Variants in TSPAN18 observed in about 807,000 individuals in gnomAD.
TSPAN18 encodes the protein tetraspanin 18.
Under a neutral mutation model 27.3 loss-of-function variants are expected in TSPAN18, and 14 were observed. The observed-to-expected ratio is 0.51, with a 90% CI of 0.34 to 0.80. The LOEUF is 0.80. Ranked by LOEUF, TSPAN18 falls within the 30% of genes least tolerant of loss-of-function variation. The pLI is 0.01. For synonymous variants in TSPAN18, 143 were observed against 136.5 expected (o/e 1.05, Z -0.33); for missense variants, 268 against 323.9 (o/e 0.83, Z 1.32).
chr11:44,904,183 C>A (rs1190932665), intron 3 of TSPAN18, among the ~76,000 whole-genome samples: 1 of 152,160 alleles, frequency 6.6e-6, no homozygotes, highest in Non-Finnish European at 1.5e-5. Context: ...TAACTTGGTG[C>A]CTCAGTTTCC....
intron 2 of TSPAN18, among the ~76,000 whole-genome samples, chr11:44,843,739 A>G (rs1857424464): frequency 6.6e-6 from 1 of 152,240 alleles, no homozygotes; most frequent in Admixed American, 6.5e-5. Context: ...ATGCTGAGAA[A>G]AAGAATTCAG....
chr11:44,876,468 C>T (rs765685845), intron 3 of TSPAN18, among the ~76,000 whole-genome samples: 1 of 152,178 alleles, frequency 6.6e-6, no homozygotes, highest in Non-Finnish European at 1.5e-5. Context: ...TGGAAGTAAA[C>T]AGAAGGGACC....
intron 3 of TSPAN18, among the ~76,000 whole-genome samples, chr11:44,892,117 C>T (rs1266432257): frequency 6.6e-6 from 1 of 152,164 alleles, no homozygotes; most frequent in East Asian, 1.9e-4. Context: ...CAGGCTGAGT[C>T]AACCTTCCTT....
intron 1 of TSPAN18, among the ~76,000 whole-genome samples, chr11:44,731,528 T>A (rs1854654199): frequency 6.6e-6 from 1 of 152,100 alleles, no homozygotes; most frequent in South Asian, 2.1e-4. Context: ...GTCATGATTA[T>A]CATTATTACT....
At chr11:44,881,642 G>T (rs1006667705) in intron 3 of TSPAN18, among the ~76,000 whole-genome samples, 8 of 152,284 alleles carry the variant, frequency 5.3e-5, no homozygotes, top group Admixed American at 4.6e-4. Flanking sequence ...GCAAGTGCCC[G>T]CTGTATGCCA....
At chr11:44,785,787 C>G (rs1856042971) in intron 2 of TSPAN18, among the ~76,000 whole-genome samples, 1 of 152,226 alleles carries the variant, frequency 6.6e-6, no homozygotes, top group Non-Finnish European at 1.5e-5. Flanking sequence ...CCTGGGGTCT[C>G]TCAATCTTGC....
At chr11:44,737,408 C>T (rs537619320) in intron 1 of TSPAN18, among the ~76,000 whole-genome samples, 1 of 152,218 alleles carries the variant, frequency 6.6e-6, no homozygotes, top group Admixed American at 6.5e-5. Context: ...ACGCAGCCAC[C>T]AGAGGCACTC....
At chr11:44,836,730 A>G (rs1222056785) in intron 2 of TSPAN18, among the ~76,000 whole-genome samples, 1 of 152,230 alleles carries the variant, frequency 6.6e-6, no homozygotes, top group East Asian at 1.9e-4. Flanking sequence ...GGTAACATTA[A>G]GCTGATGCCA....
At chr11:44,877,547 C>T (rs1198014322) in intron 3 of TSPAN18, among the ~76,000 whole-genome samples, 3 of 152,282 alleles carry the variant, frequency 2.0e-5, no homozygotes, top group Non-Finnish European at 2.9e-5. Flanking sequence ...GAGGACCCCC[C>T]GCCTCTGCTC....
intron 2 of TSPAN18, among the ~76,000 whole-genome samples, chr11:44,819,337 A>G (rs1856879393): frequency 6.6e-6 from 1 of 152,156 alleles, no homozygotes; most frequent in Non-Finnish European, 1.5e-5. Context: ...CTTCTGAGGA[A>G]TAGATATTGG....
At chr11:44,745,853 C>T (rs995167362) in intron 1 of TSPAN18, among the ~76,000 whole-genome samples, 1 of 152,276 alleles carries the variant, frequency 6.6e-6, no homozygotes, top group Middle Eastern at 3.4e-3. Context: ...CGGTGAAACC[C>T]CGTCTCTACT....
intron 2 of TSPAN18, among the ~76,000 whole-genome samples, chr11:44,766,133 T>C (rs1855563239): frequency 6.6e-6 from 1 of 152,226 alleles, no homozygotes; most frequent in Non-Finnish European, 1.5e-5. Flanking sequence ...TTGGCCACTT[T>C]CTTAGTCACC....
At chr11:44,924,228 G>T (rs1310219791) in intron 8 of TSPAN18, among the ~76,000 whole-genome samples, 2 of 151,946 alleles carry the variant, frequency 1.3e-5, no homozygotes, top group Non-Finnish European at 2.9e-5. Flanking sequence ...GTAATCCTTG[G>T]TAATCCTAAC....
At position 44,874,189 on chromosome 11, in the gene TSPAN18, T is replaced by C. The variant is rs150281769; in HGVS notation, c.-11+13720T>C. Among the ~76,000 whole-genome samples, 533 of 152,308 alleles carry C rather than the reference T, an allele frequency of 3.5e-3. 3 individuals carry two copies. The highest frequency in any genetic ancestry group is 6.2e-3 in the South Asian group (30 of 4,832). On this transcript the variant is annotated intron_variant, in intron 3 of 9. Transcript: ENST00000520358. Reference sequence around the variant, plus strand: ...AATTTCCTCATCTGTAAAAAGGAGATGGGCCTAGCACGGTATGGGACATAC... The same window carrying C: ...AATTTCCTCATCTGTAAAAAGGAGACGGGCCTAGCACGGTATGGGACATAC...
At chr11:44,854,735 C>T (rs1304911656) in intron 2 of TSPAN18, among the ~76,000 whole-genome samples, 1 of 152,178 alleles carries the variant, frequency 6.6e-6, no homozygotes, top group Non-Finnish European at 1.5e-5. Flanking sequence ...CTGTTTCTCA[C>T]CTGGATCCTA....
intron 2 of TSPAN18, among the ~76,000 whole-genome samples, chr11:44,778,963 C>T (rs780314193): frequency 2.0e-5 from 3 of 152,148 alleles, no homozygotes; most frequent in Non-Finnish European, 4.4e-5. Context: ...CGGGCATCCT[C>T]CCAGGATGGT....
chr11:44,864,400 C>T (rs1049915283), intron 3 of TSPAN18, among the ~76,000 whole-genome samples: 14 of 151,850 alleles, frequency 9.2e-5, no homozygotes, highest in African/African-American at 3.4e-4. Context: ...TTCATTCATT[C>T]ACCAACACTT....
intron 3 of TSPAN18, among the ~76,000 whole-genome samples, chr11:44,902,793 G>T (rs1388893778): frequency 1.3e-5 from 2 of 152,194 alleles, no homozygotes; most frequent in African/African-American, 4.8e-5. Flanking sequence ...GGGGCATTAG[G>T]GGGGCCTGTC....
chr11:44,796,723 G>A (rs1856358712), intron 2 of TSPAN18, among the ~76,000 whole-genome samples: 1 of 152,096 alleles, frequency 6.6e-6, no homozygotes, highest in Non-Finnish European at 1.5e-5. Context: ...GACCTGCTGA[G>A]CCCGGGCCAG....
Sources: allele counts gnomAD v4.1 joint callset (sites outside exome capture counted in the v4.1 genomes callset), GRCh38; gene constraint gnomAD v4.1.1; transcripts MANE v1.5; gene names NCBI Gene and HGNC (gene_info 2026-07-23, HGNC 2026-07-21).